The following KIF18A variants were observed in gnomAD, a reference collection of about 807,000 sequenced individuals.
KIF18A encodes the protein kinesin family member 18A, also known as kinesin-like protein KIF18A.
A neutral mutation model predicts 103.3 loss-of-function variants in KIF18A; 67 were observed. The ratio of observed to expected loss-of-function variants is 0.65; its 90% CI spans 0.53 to 0.79. The LOEUF is 0.79. KIF18A is among the 30% of genes least tolerant of loss of function. The pLI, the probability that KIF18A is intolerant of heterozygous loss-of-function variation, is 0.00. For missense variants in KIF18A, 1,032 were observed against 1,062.5 expected, an observed-to-expected ratio of 0.97 and a Z score of 0.40; for synonymous variants, 367 against 355.5, an observed-to-expected ratio of 1.03 and a Z score of -0.36.
chr11:28,041,297 T>A (rs1234869822), intron 13 of KIF18A, among the ~76,000 whole-genome samples: 1 of 151,768 alleles, frequency 6.6e-6, no homozygotes, highest in East Asian at 1.9e-4. Context: ...ATGTTTTAAC[T>A]ATGATGGCTA....
rs568183764 is a variant in KIF18A at position 28,031,163 on chromosome 11, C to G, written c.2504+4224G>C. On this transcript the variant is annotated intron_variant, in intron 15 of 16. Transcript: ENST00000263181. ...TCTAGAACTAGAAATACCATTTGAC[C>G]CAGCCATGTCGTTACTGGGTATATA... Among the ~76,000 whole-genome samples the G allele has an allele frequency of 5.3e-5, 8 of 152,168 alleles. No individual in the cohort carries two copies. In the South Asian group the frequency reaches 1.7e-3, roughly 32 times the overall value.
intron 1 of KIF18A, among the ~76,000 whole-genome samples, chr11:28,101,201 C>G (rs1234385370): frequency 1.3e-5 from 2 of 152,132 alleles, no homozygotes; most frequent in East Asian, 3.9e-4. Context: ...ATTTCTCTCC[C>G]CTGTCTATTA....
chr11:28,054,966 C>T (rs1203488942), intron 13 of KIF18A, among the ~76,000 whole-genome samples: 1 of 152,032 alleles, frequency 6.6e-6, no homozygotes, highest in Non-Finnish European at 1.5e-5. Flanking sequence ...GAATAATGAG[C>T]ATCATATAGC....
chr11:28,083,358 T>TA (rs1851189305), intron 7 of KIF18A, 115 bp from the exon 8 acceptor site: 1 of 1,147,786 alleles, frequency 8.7e-7, no homozygotes, highest in Non-Finnish European at 1.2e-6. Flanking sequence ...GAATTTGTGA[T>TA]AATTATGCTC....
intron 1 of KIF18A, among the ~76,000 whole-genome samples, chr11:28,101,594 A>C (rs553512798): frequency 1.1e-4 from 17 of 152,282 alleles, no homozygotes; most frequent in African/African-American, 4.1e-4. Context: ...TAACAACAGT[A>C]CCTATCTCAT....
At chr11:28,055,572 A>C (rs1330230560) in intron 13 of KIF18A, among the ~76,000 whole-genome samples, 1 of 152,172 alleles carries the variant, frequency 6.6e-6, no homozygotes, top group African/African-American at 2.4e-5. Flanking sequence ...GGGACTCTGA[A>C]CAGCTATACT....
chr11:28,062,890 C>G (rs1590688216), intron 11 of KIF18A, among the ~76,000 whole-genome samples: 1 of 152,120 alleles, frequency 6.6e-6, no homozygotes, highest in East Asian at 1.9e-4. Context: ...CTCTCCACCC[C>G]TCAATATTGT....
Position 28,077,173 on chromosome 11 carries a change from C to T in KIF18A, c.1263-4G>A. 1 of 1,553,648 alleles carries T rather than the reference C, an allele frequency of 6.4e-7. No individual in the cohort carries two copies. The highest frequency in any genetic ancestry group is 8.6e-7 in the Non-Finnish European group (1 of 1,158,978). Reference sequence around the variant, plus strand: ...GCAGTTCAGGATTTCTTGAAACCTACCAAAATTAAAACACATTACAGAATC... The same window carrying T: ...GCAGTTCAGGATTTCTTGAAACCTATCAAAATTAAAACACATTACAGAATC... On this transcript the variant is annotated splice_region_variant and splice_polypyrimidine_tract_variant and intron_variant, in intron 9 of 16. Transcript: ENST00000263181.
In KIF18A at chr11:28,036,695, T is replaced by A. The variant is rs368827514; in HGVS notation, c.1949-31A>T. 48 of 1,369,918 alleles carry A rather than the reference T, an allele frequency of 3.5e-5. 1 individual carries two copies. The highest frequency in any genetic ancestry group is 4.0e-4 in the Middle Eastern group (2 of 4,988). The allele number at this position is 1,369,918 out of a possible 1,614,324, so 84.9% of individuals were successfully genotyped here. On this transcript the variant is annotated intron_variant, in intron 13 of 16. Coordinates refer to ENST00000263181, the MANE Select transcript of KIF18A (RefSeq NM_031217.4). ...CAAAAAAATAAAAAAAGACACTCGA[T>A]AATGTTTCCTAGTTTTTTAAATAAC...
intron 13 of KIF18A, among the ~76,000 whole-genome samples, chr11:28,055,384 G>A (rs979833867): frequency 1.3e-5 from 2 of 152,156 alleles, no homozygotes; most frequent in East Asian, 3.9e-4. Context: ...TGAGTATCAG[G>A]AGGAAGCTGG....
chr11:28,100,083 A>G (rs1163752870), intron 1 of KIF18A, among the ~76,000 whole-genome samples: 1 of 152,136 alleles, frequency 6.6e-6, no homozygotes, highest in East Asian at 1.9e-4. Context: ...GGATTGAAGA[A>G]TAACTCCAAG....
chr11:28,070,914 G>C (rs1041556605), intron 10 of KIF18A, among the ~76,000 whole-genome samples: 6 of 152,162 alleles, frequency 3.9e-5, no homozygotes, highest in African/African-American at 1.4e-4. Flanking sequence ...TGGTTTCGTG[G>C]CATGTGCCTG....
At chr11:28,105,106 A>T (rs943736575) in intron 1 of KIF18A, among the ~76,000 whole-genome samples, 15 of 152,224 alleles carry the variant, frequency 9.9e-5, no homozygotes, top group African/African-American at 3.6e-4. Flanking sequence ...TATATTTTCT[A>T]TTGAGCTCAT....
chr11:28,068,323 C>T (rs1044319050), intron 11 of KIF18A, among the ~76,000 whole-genome samples: 9 of 151,682 alleles, frequency 5.9e-5, no homozygotes, highest in African/African-American at 9.7e-5. Flanking sequence ...TAATGCATGC[C>T]GGGCTTAAAA....
At chr11:28,024,007 C>T (rs761369412) in intron 15 of KIF18A, among the ~76,000 whole-genome samples, 157 bp from the exon 16 acceptor site, 4 of 151,404 alleles carry the variant, frequency 2.6e-5, no homozygotes, top group African/African-American at 4.8e-5. Flanking sequence ...ATTTTTGGCC[C>T]ACAGAGAAAT....
chr11:28,105,309 A>G (rs1851490295), intron 1 of KIF18A, among the ~76,000 whole-genome samples: 1 of 152,212 alleles, frequency 6.6e-6, no homozygotes, highest in African/African-American at 2.4e-5. Context: ...GACTGAATCT[A>G]AAGGCCAAAT....
chr11:28,053,961 G>A (rs552883046), intron 13 of KIF18A, among the ~76,000 whole-genome samples: 1 of 150,288 alleles, frequency 6.7e-6, no homozygotes, highest in Non-Finnish European at 1.5e-5. Flanking sequence ...TATACTGCTT[G>A]ATGGGGGTTA....
chr11:28,097,984 G>A lies in KIF18A; in HGVS notation c.-37C>T. 7.3e-7 allele frequency: 1 copy of A among 1,378,272 alleles called. No individual in the cohort carries two copies. Among genetic ancestry groups the A allele is most frequent in the African/African-American group, 1.5e-5 (1 of 68,712 alleles). 85.4% of individuals were successfully genotyped at this position (1,378,272 alleles called of 1,614,324 possible). A position where few individuals can be genotyped will look rare whatever the true frequency, so the allele number is the denominator to read the frequency against. On this transcript the variant is annotated 5_prime_UTR_variant, in exon 2 of 17. The change creates a premature stop within an existing upstream ORF in the 5' untranslated region. Coordinates refer to ENST00000263181, the MANE Select transcript of KIF18A (RefSeq NM_031217.4). ...TTGATTCCTATCTGTATAAATACTT[G>A]AATACTTCTCTGAAATTAAAAAAGA...
intron 16 of KIF18A, among the ~76,000 whole-genome samples, chr11:28,021,764 A>G (rs1379508075): frequency 6.6e-6 from 1 of 151,892 alleles, no homozygotes; most frequent in Non-Finnish European, 1.5e-5. Flanking sequence ...TTTTACTGCC[A>G]CCTCTCAAGT....
Sources: allele counts gnomAD v4.1 joint callset (sites outside exome capture counted in the v4.1 genomes callset), GRCh38; gene constraint gnomAD v4.1.1; transcripts MANE v1.5; gene names NCBI Gene and HGNC (gene_info 2026-07-23, HGNC 2026-07-21).